The following SH3GL3 variants were observed in gnomAD, a reference collection of about 807,000 sequenced individuals.
SH3GL3 encodes endophilin-A3.
Under a neutral mutation model 47.7 loss-of-function variants are expected in SH3GL3, and 33 were observed. That is an observed-to-expected ratio of 0.69 (90% CI 0.52 to 0.92). The LOEUF (loss-of-function observed/expected upper bound fraction) is 0.92, where lower values mean the gene tolerates loss of function less well. SH3GL3 is among the 40% of genes least tolerant of loss of function. SH3GL3 has a pLI of 0.00. For missense variants in SH3GL3, 363 were observed against 417.8 expected (o/e 0.87, Z 1.14); for synonymous variants, 155 against 148.8 (o/e 1.04, Z -0.30).
chr15:83,460,873 A>G (rs1364380368), intron 1 of SH3GL3, among the ~76,000 whole-genome samples: 1 of 152,242 alleles, frequency 6.6e-6, no homozygotes, highest in East Asian at 1.9e-4. Context: ...TCCCGAGGTC[A>G]GGAGATCGAG....
At chr15:83,556,233 A>T (rs1191689251) in intron 1 of SH3GL3, among the ~76,000 whole-genome samples, 1 of 152,258 alleles carries the variant, frequency 6.6e-6, no homozygotes, top group African/African-American at 2.4e-5. Flanking sequence ...CACATAGTAG[A>T]TGCTCAACAA....
intron 1 of SH3GL3, among the ~76,000 whole-genome samples, chr15:83,502,088 G>C (rs982540386): frequency 6.6e-6 from 1 of 152,252 alleles, no homozygotes; most frequent in African/African-American, 2.4e-5. Flanking sequence ...CAGAAGAATA[G>C]TTTCAAGTTC....
intron 1 of SH3GL3, among the ~76,000 whole-genome samples, chr15:83,491,218 C>T (rs554524669): frequency 2.0e-5 from 3 of 152,264 alleles, no homozygotes; most frequent in South Asian, 2.1e-4. Context: ...TTGGACAGTG[C>T]GGACTCCATT....
chr15:83,499,587 A>G (rs987717812), intron 1 of SH3GL3, among the ~76,000 whole-genome samples: 1 of 152,232 alleles, frequency 6.6e-6, no homozygotes, highest in Non-Finnish European at 1.5e-5. Context: ...ATCTGATCAA[A>G]GAAACAAATG....
chr15:83,516,376 A>G (rs2042980423), intron 1 of SH3GL3, among the ~76,000 whole-genome samples: 1 of 152,130 alleles, frequency 6.6e-6, no homozygotes, highest in Non-Finnish European at 1.5e-5. Flanking sequence ...GCAATCACTT[A>G]TTGCTTTTAT....
intron 8 of SH3GL3, among the ~76,000 whole-genome samples, chr15:83,604,821 T>C (rs1241715244): frequency 6.6e-6 from 1 of 152,208 alleles, no homozygotes; most frequent in Non-Finnish European, 1.5e-5. Context: ...CTTTACCTTA[T>C]AGATATTTCA....
In SH3GL3 at chr15:83,611,958, C is replaced by T. The variant is rs1596351657; in HGVS notation, c.839-6124C>T. Among the ~76,000 whole-genome samples the T allele has an allele frequency of 3.8e-5, 5 of 130,950 alleles. 1 individual carries two copies. Among genetic ancestry groups the T allele is most frequent in the Admixed American group, 3.7e-4 (5 of 13,538 alleles). 85.9% of individuals were successfully genotyped at this position (130,950 alleles called of 152,430 possible). On this transcript the variant is annotated intron_variant, in intron 8 of 8. Coordinates refer to ENST00000427482, the MANE Select transcript of SH3GL3 (RefSeq NM_003027.5). Reference sequence around the variant, plus strand: ...CTGAACTGAACTTGCTTGCAAGCCTCTATGTAGACCAATGGCGGAAACAAC... The same window carrying T: ...CTGAACTGAACTTGCTTGCAAGCCTTTATGTAGACCAATGGCGGAAACAAC...
intron 1 of SH3GL3, among the ~76,000 whole-genome samples, chr15:83,466,300 T>G (rs543947508): frequency 2.0e-4 from 30 of 152,294 alleles, no homozygotes; most frequent in Middle Eastern, 3.4e-3. Context: ...TTGGGATTGC[T>G]TCCAGTTTGG....
chr15:83,507,250 C>T (rs924806550), intron 1 of SH3GL3, among the ~76,000 whole-genome samples: 4 of 151,926 alleles, frequency 2.6e-5, no homozygotes, highest in East Asian at 1.9e-4. Context: ...CCTTGTGATC[C>T]GCCCACCTCG....
chr15:83,555,612 T>G (rs1266493854), intron 1 of SH3GL3, among the ~76,000 whole-genome samples: 4 of 152,180 alleles, frequency 2.6e-5, no homozygotes, highest in Non-Finnish European at 4.4e-5. Flanking sequence ...CTTGACTGAT[T>G]CTTTGTTCTT....
At position 83,458,966 on chromosome 15, in the gene SH3GL3, C is replaced by T. The variant is rs543133133; in HGVS notation, c.45+11388C>T. ...AATAGGTTATCTGCAAGCTGAGGAG[C>T]AAGGAAGCCAGACTGAGTCCCCAAA... is the stretch of plus-strand genomic sequence containing the variant. On this transcript the variant is annotated intron_variant, in intron 1 of 8. Coordinates refer to ENST00000427482, the MANE Select transcript of SH3GL3 (RefSeq NM_003027.5). Among the ~76,000 whole-genome samples, 154 of 152,304 alleles carry T rather than the reference C, an allele frequency of 1.0e-3. 1 individual carries two copies. Among genetic ancestry groups the T allele is most frequent in the Non-Finnish European group, 1.6e-3 (109 of 68,020 alleles).
chr15:83,545,508 T>C (rs1343664670), intron 1 of SH3GL3, among the ~76,000 whole-genome samples: 2 of 152,230 alleles, frequency 1.3e-5, no homozygotes, highest in Non-Finnish European at 2.9e-5. Flanking sequence ...CACTCTAGAA[T>C]TGGTCACTGG....
chr15:83,508,537 G>A (rs952778698), intron 1 of SH3GL3, among the ~76,000 whole-genome samples: 14 of 151,956 alleles, frequency 9.2e-5, no homozygotes, highest in Admixed American at 8.5e-4. Context: ...GAAGAGAGGA[G>A]CCATTGCAGA....
intron 8 of SH3GL3, 137 bp from the exon 9 acceptor site, chr15:83,617,945 G>A (rs563137440): frequency 4.7e-6 from 3 of 640,806 alleles, no homozygotes; most frequent in South Asian, 1.9e-5. Flanking sequence ...GGCACCGTGA[G>A]CTGGGTGGAG....
chr15:83,529,636 G>A (rs563539662), intron 1 of SH3GL3, among the ~76,000 whole-genome samples: 2 of 150,546 alleles, frequency 1.3e-5, no homozygotes, highest in African/African-American at 4.9e-5. Context: ...GGCTGTGGTG[G>A]GACAATCTGT....
At chr15:83,625,657 T>G in the SH3GL3 span, among the ~76,000 whole-genome samples, 1 of 152,250 alleles carries the variant, frequency 6.6e-6, no homozygotes, top group African/African-American at 2.4e-5. Context: ...TTTTTATAGC[T>G]TATCTACTGT....
In SH3GL3 at chr15:83,615,019, G is replaced by C. The variant is rs1694977285; in HGVS notation, c.839-3063G>C. ...AGCAGAACTTGTTCAATTCTCACTT[G>C]AAGTCTAGAGGGAGGAAAAAGTCTT... On this transcript the variant is annotated intron_variant, in intron 8 of 8. Transcript: ENST00000427482. 2.0e-5 allele frequency among the ~76,000 whole-genome samples: 3 copies of C among 151,846 alleles called. No homozygotes were observed. The South Asian group carries it at 6.2e-4, about 32-fold the overall frequency.
At chr15:83,485,834 T>C (rs1330838368) in intron 1 of SH3GL3, among the ~76,000 whole-genome samples, 1 of 152,190 alleles carries the variant, frequency 6.6e-6, no homozygotes, top group Admixed American at 6.5e-5. Context: ...GTGGATTTGT[T>C]TTTTTAAATT....
At chr15:83,616,993 A>C (rs938635945) in intron 8 of SH3GL3, among the ~76,000 whole-genome samples, 2 of 152,246 alleles carry the variant, frequency 1.3e-5, no homozygotes, top group African/African-American at 4.8e-5. Context: ...AGAATCTTTT[A>C]TGAAAACAAC....
Sources: allele counts gnomAD v4.1 joint callset (sites outside exome capture counted in the v4.1 genomes callset), GRCh38; gene constraint gnomAD v4.1.1; transcripts MANE v1.5; gene names NCBI Gene and HGNC (gene_info 2026-07-23, HGNC 2026-07-21).